Variants in PRDM12 observed in about 807,000 individuals in gnomAD.
PRDM12 encodes the protein PR/SET domain 12.
In PRDM12, 17 loss-of-function variants were observed where a neutral mutation model predicts 29.6. The ratio of observed to expected loss-of-function variants is 0.57; its 90% CI spans 0.39 to 0.86. The LOEUF is 0.86. PRDM12 is among the 40% of genes least tolerant of loss of function. The pLI is 0.00. For synonymous variants in PRDM12, 231 were observed against 225.8 expected (o/e 1.02, Z -0.21); for missense variants, 422 against 510.8 (o/e 0.83, Z 1.68).
At chr9:130,678,327 G>C (rs986162071) in intron 3 of PRDM12, among the ~76,000 whole-genome samples, 3 of 151,888 alleles carry the variant, frequency 2.0e-5, no homozygotes, top group Non-Finnish European at 2.9e-5. Flanking sequence ...GGCAGGGAGA[G>C]GGGGGCAGAG....
chr9:130,666,732 C>T lies in PRDM12; in HGVS notation c.348C>T (p.Pro116=), dbSNP rs373663294. The T allele has an allele frequency of 6.2e-7, 1 of 1,613,160 alleles. No homozygotes were observed. Among genetic ancestry groups the T allele is most frequent in the Non-Finnish European group, 8.5e-7 (1 of 1,179,780 alleles). The part of the protein sequence containing the change: ...TWIKAGTEMG[P]FTGRVIAPEH... ...TCAAGGCGGGAACCGAGATGGGCCCCTTCACCGGCCGCGTGATCGCCCCGG... is the reference window on the plus strand; with the variant it reads ...TCAAGGCGGGAACCGAGATGGGCCCTTTCACCGGCCGCGTGATCGCCCCGG... Residue 116 remains proline (P), a synonymous_variant, in exon 2 of 5, where the codon CCC becomes CCT. Transcript: ENST00000253008.
Position 130,668,857 on chromosome 9 carries a change from C to T in PRDM12, c.570+544C>T, listed in dbSNP as rs528008298. Among the ~76,000 whole-genome samples, 16 of 152,238 alleles carry T rather than the reference C, an allele frequency of 1.1e-4. 1 individual carries two copies. Among genetic ancestry groups the T allele is most frequent in the Middle Eastern group, 3.4e-3 (1 of 294 alleles). On this transcript the variant is annotated intron_variant, in intron 3 of 4. Transcript: ENST00000253008. This position sits in a 1 kb window ranked among gnomAD's most constrained non-coding sequence, Gnocchi z 4.0. Reference sequence around the variant, plus strand: ...TATGCAGTATGGTATTTAATCCCCACGGGGCCCCAGGAGGAGGATTCTGTG... The same window carrying T: ...TATGCAGTATGGTATTTAATCCCCATGGGGCCCCAGGAGGAGGATTCTGTG...
chr9:130,676,387 T>G (rs930625268), intron 3 of PRDM12, among the ~76,000 whole-genome samples: 3 of 151,936 alleles, frequency 2.0e-5, no homozygotes, highest in African/African-American at 7.3e-5. Context: ...TCCCAGCTAC[T>G]CAGGAGGCTG....
intron 3 of PRDM12, among the ~76,000 whole-genome samples, chr9:130,674,284 A>G (rs560989899): frequency 6.6e-6 from 1 of 152,054 alleles, no homozygotes; most frequent in East Asian, 1.9e-4. Flanking sequence ...AAGTGCTGGG[A>G]TTACAGGCGT....
At position 130,681,944 on chromosome 9, in the gene PRDM12, C is replaced by A; in HGVS notation, c.*275C>A. The stretch of plus-strand genomic sequence containing the variant: ...AGGGGGTCCCCCTGCCTGGCCTCGC[C>A]CCCGAGTCTCCCTGCTGCTGTAGAG... On this transcript the variant is annotated 3_prime_UTR_variant, in exon 5 of 5. Transcript: ENST00000253008. This position sits in a 1 kb window ranked among gnomAD's most constrained non-coding sequence, Gnocchi z 8.1. The A allele has an allele frequency of 6.0e-6, 1 of 167,302 alleles. No homozygotes were observed. Among genetic ancestry groups the A allele is most frequent in the Non-Finnish European group, 1.2e-5 (1 of 81,892 alleles). 10.4% of individuals were successfully genotyped at this position (167,302 alleles called of 1,614,324 possible). A position where few individuals can be genotyped will look rare whatever the true frequency, so the allele number is the denominator to read the frequency against.
intron 3 of PRDM12, among the ~76,000 whole-genome samples, chr9:130,673,760 C>T (rs905936004): frequency 6.7e-6 from 1 of 150,154 alleles, no homozygotes; most frequent in Non-Finnish European, 1.5e-5. Flanking sequence ...CAACCTCTGC[C>T]TCCTGGATTC....
Position 130,681,232 on chromosome 9 carries a change from C to T in PRDM12, c.683-16C>T. Reference sequence around the variant, plus strand: ...CTCCGTCTCCCTTCCCCCGCCCCGCCCCGCCCCGCGGCCAGAGGACTTCCA... The same window carrying T: ...CTCCGTCTCCCTTCCCCCGCCCCGCTCCGCCCCGCGGCCAGAGGACTTCCA... On this transcript the variant is annotated splice_polypyrimidine_tract_variant and intron_variant, in intron 4 of 4. Coordinates refer to ENST00000253008, the MANE Select transcript of PRDM12 (RefSeq NM_021619.3). This position sits in a 1 kb window ranked among gnomAD's most constrained non-coding sequence, Gnocchi z 8.1. The T allele has an allele frequency of 6.9e-7, 1 of 1,451,322 alleles. No homozygotes were observed. The highest frequency in any genetic ancestry group is 9.1e-7 in the Non-Finnish European group (1 of 1,098,844). The allele number at this position is 1,451,322 out of a possible 1,614,324, so 89.9% of individuals were successfully genotyped here.
intron 2 of PRDM12, 94 bp downstream of exon 2, chr9:130,666,892 G>T (rs1830739074): frequency 2.1e-6 from 3 of 1,462,954 alleles, no homozygotes; most frequent in Admixed American, 4.6e-5. Context: ...GCTTCCACCC[G>T]GGCTGAGAGC....
In PRDM12 at chr9:130,681,566, C is replaced by G; in HGVS notation, c.1001C>G (p.Ser334Trp). 1 of 1,214,760 alleles carries G rather than the reference C, an allele frequency of 8.2e-7. No individual in the cohort carries two copies. Among genetic ancestry groups the G allele is most frequent in the Non-Finnish European group, 1.0e-6 (1 of 977,232 alleles). 75.2% of individuals were successfully genotyped at this position (1,214,760 alleles called of 1,614,324 possible). A position where few individuals can be genotyped will look rare whatever the true frequency, so the allele number is the denominator to read the frequency against. Residue 334 changes from serine to tryptophan, a missense_variant, in exon 5 of 5, where the codon TCG (serine) becomes TGG (tryptophan). By Grantham distance (177) the Ser-to-Trp change is radical (BLOSUM62 -3). Coordinates refer to ENST00000253008, the MANE Select transcript of PRDM12 (RefSeq NM_021619.3). This position sits in a 1 kb window ranked among gnomAD's most constrained non-coding sequence, Gnocchi z 8.1. ...RPPSTALQAHSPALPAPHAHA... is the reference protein window; with the variant it reads ...RPPSTALQAHWPALPAPHAHA... Reference sequence around the variant, plus strand: ...CCCAGCACCGCGCTGCAGGCACACTCGCCCGCGCTGCCCGCCCCGCACGCG... The same window carrying G: ...CCCAGCACCGCGCTGCAGGCACACTGGCCCGCGCTGCCCGCCCCGCACGCG...
At chr9:130,680,634 A>AAAAAAT (rs1469778040) in intron 4 of PRDM12, among the ~76,000 whole-genome samples, 2 of 88,498 alleles carry the variant, frequency 2.3e-5, no homozygotes, top group East Asian at 9.3e-4. Flanking sequence ...AAAAAAAAAA[A>AAAAAAT]ATATATATAT....
Position 130,681,598 on chromosome 9 carries a change from C to T in PRDM12, c.1033C>T (p.Pro345Ser). 2.0e-6 allele frequency: 2 copies of T among 997,620 alleles called. No individual in the cohort carries two copies. Among genetic ancestry groups the T allele is most frequent in the Non-Finnish European group, 2.4e-6 (2 of 839,724 alleles). 61.8% of individuals were successfully genotyped at this position (997,620 alleles called of 1,614,324 possible). Residue 345 changes from proline to serine, a missense_variant, in exon 5 of 5, where the codon CCC (proline) becomes TCC (serine). Physicochemically the swap from Pro to Ser is moderately conservative, Grantham distance 74 (BLOSUM62 -1). Transcript: ENST00000253008. This position sits in a 1 kb window ranked among gnomAD's most constrained non-coding sequence, Gnocchi z 8.1. ...PALPAPHAHA[P>S]ALAAAAAAAA... is the part of the protein sequence containing the mutation. ...GCTGCCCGCCCCGCACGCGCACGCG[C>T]CCGCGCTCGCCGCCGCCGCCGCCGC...
At position 130,666,744 on chromosome 9, in the gene PRDM12, C is replaced by A. The variant is rs753289520; in HGVS notation, c.360C>A (p.Arg120=). The A allele has an allele frequency of 1.9e-6, 3 of 1,612,694 alleles. No individual in the cohort carries two copies. Among genetic ancestry groups the A allele is most frequent in the Non-Finnish European group, 1.7e-6 (2 of 1,179,668 alleles). Residue 120 remains arginine, a synonymous_variant, in exon 2 of 5, where the codon CGC becomes CGA. Coordinates refer to ENST00000253008, the MANE Select transcript of PRDM12 (RefSeq NM_021619.3). ...AGTEMGPFTG[R]VIAPEHVDIC... ...CCGAGATGGGCCCCTTCACCGGCCG[C>A]GTGATCGCCCCGGAGCACGTGGACA...
At chr9:130,678,481 C>A in intron 3 of PRDM12, 48 bp from the exon 4 acceptor site, 10 of 1,420,074 alleles carry the variant, frequency 7.0e-6, no homozygotes, top group South Asian at 1.2e-5. Flanking sequence ...CCAACTCTCA[C>A]CTCCCAGCTG....
chr9:130,666,469 G>A, intron 1 of PRDM12, 139 bp from the exon 2 acceptor site: 1 of 1,094,956 alleles, frequency 9.1e-7, no homozygotes, highest in Admixed American at 3.2e-5. Flanking sequence ...CTCCACACCC[G>A]GGTGGCTTCT....
intron 4 of PRDM12, 108 bp downstream of exon 4, chr9:130,678,748 C>A: frequency 1.1e-6 from 1 of 890,618 alleles, no homozygotes; most frequent in Non-Finnish European, 1.7e-6. Context: ...CTCCAGGGAC[C>A]TTGGTTCAAT....
rs912244982 is a variant in PRDM12, at chr9:130,682,961, A to C, written c.*1292A>C. ...ATTTGTACCTCTCTTGTATTCTAAAATAAAAATTACTTGGAACATTTATCA... is the reference window on the plus strand; with the variant it reads ...ATTTGTACCTCTCTTGTATTCTAAACTAAAAATTACTTGGAACATTTATCA... On this transcript the variant is annotated 3_prime_UTR_variant, in exon 5 of 5. Coordinates refer to ENST00000253008, the MANE Select transcript of PRDM12 (RefSeq NM_021619.3). This position sits in a 1 kb window ranked among gnomAD's most constrained non-coding sequence, Gnocchi z 4.2. The C allele has an allele frequency of 2.6e-5, 4 of 152,654 alleles. No individual in the cohort carries two copies. The highest frequency in any genetic ancestry group is 9.6e-5 in the African/African-American group (4 of 41,470). The allele number at this position is 152,654 out of a possible 1,614,324, so 9.5% of individuals were successfully genotyped here. A position where few individuals can be genotyped will look rare whatever the true frequency, so the allele number is the denominator to read the frequency against.
At chr9:130,679,223 T>C (rs1830870773) in intron 4 of PRDM12, among the ~76,000 whole-genome samples, 1 of 152,138 alleles carries the variant, frequency 6.6e-6, no homozygotes. Context: ...GACCATTTGC[T>C]CGACAACTAT....
Position 130,668,681 on chromosome 9 carries a change from A to C in PRDM12, c.570+368A>C, listed in dbSNP as rs901647903. ...AAGATGGGGAGAGGCGGCCCAGGGA[A>C]TGCGTTGGGGTGGGAGAGAGGGCGT... On this transcript the variant is annotated intron_variant, in intron 3 of 4. Transcript: ENST00000253008. This position sits in a 1 kb window ranked among gnomAD's most constrained non-coding sequence, Gnocchi z 4.0. 1.3e-5 allele frequency among the ~76,000 whole-genome samples: 2 copies of C among 152,028 alleles called. No homozygotes were observed. Among genetic ancestry groups the C allele is most frequent in the Non-Finnish European group, 2.9e-5 (2 of 67,994 alleles).
chr9:130,671,709 G>A (rs780569213), intron 3 of PRDM12, among the ~76,000 whole-genome samples: 1 of 152,198 alleles, frequency 6.6e-6, no homozygotes, highest in Non-Finnish European at 1.5e-5. Context: ...TAGACTGGAA[G>A]ATACTGCTGT....
Sources: gnomAD v4.1 joint callset for allele counts (sites outside exome capture counted in the v4.1 genomes callset) on GRCh38, gnomAD v4.1.1 for gene constraint, Gnocchi (gnomAD v3.1) non-coding constraint, MANE v1.5 for transcripts, NCBI Gene and HGNC (gene_info 2026-07-23, HGNC 2026-07-21) for gene names.